Variants in MPP7 observed in about 807,000 individuals in gnomAD.
MPP7 encodes the protein MAGUK p55 scaffold protein 7.
A neutral mutation model predicts 76.5 loss-of-function variants in MPP7; 60 were observed. That is an observed-to-expected ratio of 0.78 (90% CI 0.64 to 0.97). The LOEUF (loss-of-function observed/expected upper bound fraction) is 0.97. MPP7 is among the 50% of genes least tolerant of loss of function. The probability of loss-of-function intolerance (pLI) is 0.00; values close to 1 mark genes in which losing one functional copy is unlikely to be tolerated. For synonymous variants in MPP7, 237 were observed against 244.5 expected (o/e 0.97, Z 0.29); for missense variants, 641 against 694.0 (o/e 0.92, Z 0.86).
intron 11 of MPP7, among the ~76,000 whole-genome samples, chr10:28,109,873 A>AAAAAAC (rs1834449365): frequency 7.0e-6 from 1 of 143,170 alleles, no homozygotes; most frequent in Non-Finnish European, 1.5e-5. Flanking sequence ...AAAAAAAAAA[A>AAAAAAC]CACTTAAAAC....
intron 11 of MPP7, among the ~76,000 whole-genome samples, chr10:28,097,781 C>A (rs1024433116): frequency 3.3e-5 from 5 of 152,284 alleles, no homozygotes; most frequent in Admixed American, 6.5e-5. Flanking sequence ...TAACACTCCC[C>A]TGTATTAGAA....
At chr10:28,109,794 A>T (rs1834436881) in intron 11 of MPP7, among the ~76,000 whole-genome samples, 1 of 149,754 alleles carries the variant, frequency 6.7e-6, no homozygotes, top group Admixed American at 6.7e-5. Flanking sequence ...GTAAAAGCAT[A>T]CAGAACAAAA....
chr10:28,233,828 G>A (rs574287427), intron 2 of MPP7, among the ~76,000 whole-genome samples: 2 of 152,002 alleles, frequency 1.3e-5, no homozygotes, highest in Non-Finnish European at 2.9e-5. Flanking sequence ...CTTGAGCTCA[G>A]GAGTTTGAGA....
chr10:28,291,504 C>T (rs771458042), intron 1 of MPP7, among the ~76,000 whole-genome samples: 1 of 152,168 alleles, frequency 6.6e-6, no homozygotes, highest in Non-Finnish European at 1.5e-5. Flanking sequence ...GCCTGGGAGT[C>T]TGAGGCACGA....
chr10:28,236,514 A>G (rs773312104), intron 2 of MPP7: 6 of 152,194 alleles, frequency 3.9e-5, no homozygotes, highest in Non-Finnish European at 8.8e-5. Context: ...TTAATGACAT[A>G]TATATGCAAG....
intron 13 of MPP7, among the ~76,000 whole-genome samples, chr10:28,061,325 A>G (rs902388720): frequency 1.3e-5 from 2 of 152,118 alleles, no homozygotes; most frequent in Non-Finnish European, 2.9e-5. Flanking sequence ...GAACAAAAAT[A>G]TAAATTCTTA....
At chr10:28,283,257 T>C (rs765281460) in intron 1 of MPP7, among the ~76,000 whole-genome samples, 1 of 152,062 alleles carries the variant, frequency 6.6e-6, no homozygotes. Flanking sequence ...CTCTGATGTA[T>C]AGGAGAATGG....
chr10:28,156,388 T>C (rs1836062691), intron 3 of MPP7, among the ~76,000 whole-genome samples: 1 of 152,216 alleles, frequency 6.6e-6, no homozygotes, highest in East Asian at 1.9e-4. Flanking sequence ...CGTCTCCCTT[T>C]GACTACACCA....
intron 11 of MPP7, among the ~76,000 whole-genome samples, chr10:28,108,879 T>A: frequency 6.6e-6 from 1 of 152,168 alleles, no homozygotes; most frequent in African/African-American, 2.4e-5. Context: ...AAACTAGAAT[T>A]TTTCCCTGCC....
chr10:28,057,124 G>A (rs1851586654), intron 15 of MPP7, among the ~76,000 whole-genome samples: 1 of 152,260 alleles, frequency 6.6e-6, no homozygotes, highest in African/African-American at 2.4e-5. Flanking sequence ...ATCTACAGAG[G>A]GTGAGAGCTG....
intron 11 of MPP7, among the ~76,000 whole-genome samples, chr10:28,094,086 T>C (rs962254305): frequency 7.2e-5 from 11 of 152,160 alleles, no homozygotes; most frequent in African/African-American, 2.4e-4. Flanking sequence ...AAGAAAGCCT[T>C]AGAGCTGGAA....
intron 3 of MPP7, among the ~76,000 whole-genome samples, chr10:28,158,672 G>A (rs1433530653): frequency 6.6e-6 from 1 of 152,178 alleles, no homozygotes; most frequent in African/African-American, 2.4e-5. Context: ...TACAAATGAT[G>A]CATGAGTTAC....
intron 2 of MPP7, among the ~76,000 whole-genome samples, chr10:28,217,526 CAA>C (rs773506497): frequency 3.4e-5 from 2 of 58,968 alleles, no homozygotes; most frequent in Non-Finnish European, 7.4e-5. Flanking sequence ...GACTCTGTCT[CAA>C]AAAAAAAAAA....
rs1294974637 is a variant in MPP7 at position 28,080,203 on chromosome 10, T to C, written c.1123+9468A>G. Among the ~76,000 whole-genome samples the C allele has an allele frequency of 2.6e-5, 4 of 152,232 alleles. No individual in the cohort carries two copies. In the East Asian group the frequency reaches 7.7e-4, roughly 29 times the overall value. Reference sequence around the variant, plus strand: ...TGGGAAGCTTATTGAAAGAGCACCATTTTTTCCAGGCAGCTATTTACTCTA... The same window carrying C: ...TGGGAAGCTTATTGAAAGAGCACCACTTTTTCCAGGCAGCTATTTACTCTA... On this transcript the variant is annotated intron_variant, in intron 12 of 16. Coordinates refer to ENST00000683449, the MANE Select transcript of MPP7 (RefSeq NM_001318170.2).
At chr10:28,326,353 T>C (rs765533528) in intron 2 of MPP7, among the ~76,000 whole-genome samples, 3 of 152,188 alleles carry the variant, frequency 2.0e-5, no homozygotes, top group Non-Finnish European at 2.9e-5. Flanking sequence ...AGGCAGCTGC[T>C]GTTCCTCCTT....
At chr10:28,172,318 C>T (rs186922420) in intron 3 of MPP7, among the ~76,000 whole-genome samples, 6 of 152,246 alleles carry the variant, frequency 3.9e-5, no homozygotes, top group Non-Finnish European at 8.8e-5. Flanking sequence ...TGGAATGGTA[C>T]GAAAAAATCT....
intron 11 of MPP7, among the ~76,000 whole-genome samples, chr10:28,092,628 A>G (rs1853367306): frequency 7.2e-6 from 1 of 139,724 alleles, no homozygotes; most frequent in South Asian, 2.4e-4. Flanking sequence ...GCTGGAGTGC[A>G]GTGGCAGGAT....
At chr10:28,115,239 A>T (rs1834630726) in intron 11 of MPP7, among the ~76,000 whole-genome samples, 1 of 151,952 alleles carries the variant, frequency 6.6e-6, no homozygotes, top group South Asian at 2.1e-4. Context: ...AGTAGCTGGG[A>T]TTACAGGCAT....
chr10:28,125,192 T>A, intron 6 of MPP7, 101 bp from the exon 7 acceptor site: 4 of 973,134 alleles, frequency 4.1e-6, no homozygotes, highest in Admixed American at 2.2e-5. Context: ...AGAAAACAAC[T>A]ACAAAAACGA....
Sources: allele counts gnomAD v4.1 joint callset (sites outside exome capture counted in the v4.1 genomes callset), GRCh38; gene constraint gnomAD v4.1.1; transcripts MANE v1.5; gene names NCBI Gene and HGNC (gene_info 2026-07-23, HGNC 2026-07-21).